PIK3CD: variants seen among roughly 807,000 people sequenced by gnomAD.
The protein encoded by PIK3CD is phosphatidylinositol-4,5-bisphosphate 3-kinase catalytic subunit delta, also known as phosphatidylinositol 4,5-bisphosphate 3-kinase catalytic subunit delta isoform.
PIK3CD carries 20 observed loss-of-function variants against 122.9 expected under a neutral mutation model. The ratio of observed to expected loss-of-function variants is 0.16; its 90% CI spans 0.11 to 0.24. The LOEUF is 0.24. Ranked by LOEUF, PIK3CD falls within the 10% of genes least tolerant of loss-of-function variation. PIK3CD has a pLI of 1.00. For synonymous variants in PIK3CD, 596 were observed against 593.4 expected (o/e 1.00, Z -0.06); for missense variants, 787 against 1,406.3 (o/e 0.56, Z 7.04).
At chr1:9,725,660 C>CCT in intron 23 of PIK3CD, among the ~76,000 whole-genome samples, 1 of 152,000 alleles carries the variant, frequency 6.6e-6, no homozygotes, top group East Asian at 1.9e-4. Flanking sequence ...GGGCAGATCA[C>CCT]GAGGTCAGGA....
At chr1:9,636,889 T>TCTTTA in the PIK3CD span, among the ~76,000 whole-genome samples, 1 of 141,926 alleles carries the variant, frequency 7.0e-6, no homozygotes, top group Non-Finnish European at 1.5e-5. Flanking sequence ...TTCTTTTTTT[T>TCTTTA]CTTTTCTTTT....
Position 9,715,832 on chromosome 1 carries a change from C to T in PIK3CD, c.371-17C>T. 4 of 1,604,356 alleles carry T rather than the reference C, an allele frequency of 2.5e-6. No homozygotes were observed. Among genetic ancestry groups the T allele is most frequent in the Non-Finnish European group, 3.4e-6 (4 of 1,172,620 alleles). On this transcript the variant is annotated splice_polypyrimidine_tract_variant and intron_variant, in intron 4 of 23. Transcript: ENST00000377346. This position sits in a 1 kb window ranked among gnomAD's most constrained non-coding sequence, Gnocchi z 4.1. ...CTGCCTGCCCCACCCGCTGACCCAG[C>T]CCTCCCCACCCCGCAGGCCTCCACG...
chr1:9,695,853 A>AAAAG (rs1646395549), intron 2 of PIK3CD, among the ~76,000 whole-genome samples: 2 of 150,248 alleles, frequency 1.3e-5, no homozygotes, highest in Admixed American at 6.6e-5. Context: ...CAAAAAAAAA[A>AAAAG]AAAAGAAAAG....
chr1:9,636,472 G>A, the PIK3CD span, among the ~76,000 whole-genome samples: 1 of 152,314 alleles, frequency 6.6e-6, no homozygotes, highest in South Asian at 2.1e-4. Flanking sequence ...GGGATTACAG[G>A]CATGAGCCAC....
Position 9,722,340 on chromosome 1 carries a change from C to T in PIK3CD, c.2331C>T (p.Ile777=). The T allele has an allele frequency of 6.2e-7, 1 of 1,612,328 alleles. No individual in the cohort carries two copies. The highest frequency in any genetic ancestry group is 8.5e-7 in the Non-Finnish European group (1 of 1,179,338). The change falls in exon 18 of 24, where the codon ATC becomes ATT. Residue 777 remains isoleucine, a synonymous_variant. Coordinates refer to ENST00000377346, the MANE Select transcript of PIK3CD (RefSeq NM_005026.5). This position sits in a 1 kb window ranked among gnomAD's most constrained non-coding sequence, Gnocchi z 7.6. ...EAGSGGSVGI[I]FKNGDDLRQD... ...GCAGCGGCGGCAGCGTGGGCATCAT[C>T]TTTAAGAACGGGGATGGTGAGGGCC...
rs575789988 is a variant in PIK3CD at position 9,671,047 on chromosome 1, C to T, written c.-138+19245C>T. 1.4e-4 allele frequency among the ~76,000 whole-genome samples: 21 copies of T among 151,846 alleles called. No homozygotes were observed. In the South Asian group the frequency reaches 3.9e-3, roughly 29 times the overall value. ...TGCTGGGATTACAGATGTGAGCCAC[C>T]GCGTCTGGCCTAAAAATTTATTTAT... On this transcript the variant is annotated intron_variant, in intron 1 of 23. Transcript: ENST00000377346.
intron 1 of PIK3CD, among the ~76,000 whole-genome samples, chr1:9,665,467 G>A (rs4300218): frequency 0.045 from 6,775 of 150,754 alleles, 283 homozygotes; most frequent in South Asian, 0.11. Flanking sequence ...AGCTCTTGCC[G>A]TAGCTCTGGT....
intron 1 of PIK3CD, among the ~76,000 whole-genome samples, chr1:9,675,688 C>T (rs916720763): frequency 6.6e-6 from 1 of 151,684 alleles, no homozygotes; most frequent in Non-Finnish European, 1.5e-5. Context: ...TCACTTGTCC[C>T]CTCACCCCCA....
the PIK3CD span, among the ~76,000 whole-genome samples, chr1:9,639,706 C>T: frequency 6.6e-6 from 1 of 152,166 alleles, no homozygotes; most frequent in Admixed American, 6.6e-5. Flanking sequence ...CAACCTCAAC[C>T]GTTATCTTCA....
intron 1 of PIK3CD, among the ~76,000 whole-genome samples, chr1:9,667,496 C>T (rs1645194675): frequency 6.6e-6 from 1 of 151,946 alleles, no homozygotes; most frequent in Admixed American, 6.6e-5. Context: ...CCTGCCTCAG[C>T]CTCCCAAGTA....
intron 1 of PIK3CD, among the ~76,000 whole-genome samples, chr1:9,676,229 C>T (rs1645532114): frequency 1.3e-5 from 2 of 152,136 alleles, no homozygotes; most frequent in Admixed American, 6.5e-5. Context: ...CGCACCCAGC[C>T]ACACCAAGCT....
At chr1:9,709,445 G>A (rs1434392667) in intron 2 of PIK3CD, among the ~76,000 whole-genome samples, 1 of 151,844 alleles carries the variant, frequency 6.6e-6, no homozygotes, top group Non-Finnish European at 1.5e-5. Context: ...GGTGGCTCAT[G>A]TCTGTAATCC....
chr1:9,720,860 C>T lies in PIK3CD; in HGVS notation c.1640C>T (p.Ala547Val), dbSNP rs1648515047. 6.2e-7 allele frequency: 1 copy of T among 1,609,316 alleles called. No homozygotes were observed. The highest frequency in any genetic ancestry group is 8.5e-7 in the Non-Finnish European group (1 of 1,178,130). Reference sequence around the variant, plus strand: ...CAGGAGCACTTCCCGGAGGCGCTAGCCCGGCTGCTGCTGGTCACCAAGTGG... The same window carrying T: ...CAGGAGCACTTCCCGGAGGCGCTAGTCCGGCTGCTGCTGGTCACCAAGTGG... Reference protein sequence around the residue: ...EVQEHFPEALARLLLVTKWNK... With the variant: ...EVQEHFPEALVRLLLVTKWNK... The change falls in exon 13 of 24, where the codon GCC (alanine) becomes GTC (valine). Residue 547 changes from alanine (A) to valine (V), a missense_variant. Transcript: ENST00000377346. The surrounding 1 kb of genome is among the most constrained non-coding windows in gnomAD (Gnocchi z 9.0).
rs1472627643 is a variant in PIK3CD at position 9,665,167 on chromosome 1, G to A, written c.-138+13365G>A. On this transcript the variant is annotated intron_variant, in intron 1 of 23. Coordinates refer to ENST00000377346, the MANE Select transcript of PIK3CD (RefSeq NM_005026.5). ...TGCAGTGAGCCGTGATCGCACTAAT[G>A]CATTTTAGCCTGGGTAACAGAGTGA... 2.9e-5 allele frequency among the ~76,000 whole-genome samples: 4 copies of A among 135,918 alleles called. No individual in the cohort carries two copies. The South Asian group carries it at 6.9e-4, about 23-fold the overall frequency. The allele number at this position is 135,918 out of a possible 152,430, so 89.2% of individuals were successfully genotyped here.
rs563693210 is a variant in PIK3CD at position 9,717,154 on chromosome 1, C to T, written c.930+46C>T. 1.9e-6 allele frequency: 3 copies of T among 1,610,608 alleles called. No individual in the cohort carries two copies. The African/African-American group carries it at 4.0e-5, about 21-fold the overall frequency. On this transcript the variant is annotated intron_variant, in intron 7 of 23. Transcript: ENST00000377346. This position sits in a 1 kb window ranked among gnomAD's most constrained non-coding sequence, Gnocchi z 5.4. The stretch of plus-strand genomic sequence containing the variant: ...TCCCCTCTGAGCCACCCCTTCTTTC[C>T]ACCTGGCGTCCAACTCCATGTGCTA...
the PIK3CD span, among the ~76,000 whole-genome samples, chr1:9,644,014 A>C: frequency 2.0e-5 from 3 of 152,166 alleles, no homozygotes; most frequent in Non-Finnish European, 4.4e-5. Context: ...TGGGCTTCTC[A>C]CACTTGCAGC....
the PIK3CD span, among the ~76,000 whole-genome samples, chr1:9,628,502 G>T: frequency 2.0e-5 from 3 of 152,206 alleles, no homozygotes; most frequent in Non-Finnish European, 2.9e-5. Flanking sequence ...TTGAGCACCG[G>T]CCTCCGCTGT....
At chr1:9,661,474 G>A (rs190039082) in intron 1 of PIK3CD, among the ~76,000 whole-genome samples, 10 of 152,246 alleles carry the variant, frequency 6.6e-5, no homozygotes, top group African/African-American at 1.9e-4. Flanking sequence ...CTGCAGCCTC[G>A]ACTATATGGG....
At chr1:9,661,376 A>G (rs566214774) in intron 1 of PIK3CD, among the ~76,000 whole-genome samples, 1 of 151,622 alleles carries the variant, frequency 6.6e-6, no homozygotes, top group Non-Finnish European at 1.5e-5. Context: ...CACTGTACCC[A>G]GCCAAGGATT....
Sources: allele counts gnomAD v4.1 joint callset (sites outside exome capture counted in the v4.1 genomes callset), GRCh38; gene constraint gnomAD v4.1.1; non-coding constraint Gnocchi (gnomAD v3.1); transcripts MANE v1.5; gene names NCBI Gene and HGNC (gene_info 2026-07-23, HGNC 2026-07-21).